The following GALNT2 variants were observed in gnomAD, a reference collection of about 807,000 sequenced individuals.
The protein encoded by GALNT2 is UDP-GalNAc:polypeptide N-acetylgalactosaminyltransferase 2.
GALNT2 carries 31 observed loss-of-function variants against 81.4 expected under a neutral mutation model. The observed-to-expected ratio is 0.38, with a 90% CI of 0.29 to 0.51. The LOEUF (loss-of-function observed/expected upper bound fraction) is 0.51. Ranked by LOEUF, GALNT2 falls within the 20% of genes least tolerant of loss-of-function variation. GALNT2 has a pLI of 0.87. For synonymous variants in GALNT2, 303 were observed against 287.4 expected, an observed-to-expected ratio of 1.05 and a Z score of -0.55; for missense variants, 629 against 765.7, an observed-to-expected ratio of 0.82 and a Z score of 2.11.
intron 3 of GALNT2, among the ~76,000 whole-genome samples, chr1:230,226,407 A>G (rs563882763): frequency 3.3e-4 from 50 of 152,348 alleles, no homozygotes; most frequent in African/African-American, 1.2e-3. Flanking sequence ...TGAATGGAGA[A>G]ATGGGCTAGC....
intron 3 of GALNT2, among the ~76,000 whole-genome samples, chr1:230,221,356 T>G (rs929498618): frequency 1.2e-4 from 19 of 152,250 alleles, no homozygotes; most frequent in African/African-American, 4.3e-4. Flanking sequence ...ATAACCTCCT[T>G]GCTTACTCAT....
In GALNT2 at chr1:230,228,560, GA is replaced by G. The variant is rs774507443; in HGVS notation, c.375-7445del. Among the ~76,000 whole-genome samples, 25 of 150,558 alleles carry G rather than the reference GA, an allele frequency of 1.7e-4. No homozygotes were observed. The East Asian group carries it at 2.9e-3, about 18-fold the overall frequency. On this transcript the variant is annotated intron_variant, in intron 3 of 15. Coordinates refer to ENST00000366672, the MANE Select transcript of GALNT2 (RefSeq NM_004481.5). ...CTGGGGACAATGGATTATCTACACA[GA>G]AAAAAAAAGAGATTATGGATCTCCT...
chr1:230,215,624 C>G (rs535232090), intron 3 of GALNT2, among the ~76,000 whole-genome samples: 1 of 152,162 alleles, frequency 6.6e-6, no homozygotes, highest in Admixed American at 6.5e-5. Flanking sequence ...ATGTCTATCT[C>G]GAAGGAGAGT....
At chr1:230,171,967 G>T (rs1662808872) in intron 1 of GALNT2, among the ~76,000 whole-genome samples, 1 of 151,630 alleles carries the variant, frequency 6.6e-6, no homozygotes, top group Non-Finnish European at 1.5e-5. Context: ...AGCAGTCTCT[G>T]CCACTAGCAA....
At chr1:230,152,050 G>T (rs562521482) in intron 1 of GALNT2, among the ~76,000 whole-genome samples, 1 of 152,144 alleles carries the variant, frequency 6.6e-6, no homozygotes, top group Non-Finnish European at 1.5e-5. Flanking sequence ...GTTTTGGCCG[G>T]CTCCTTTACT....
chr1:230,060,279 C>T (rs1659016468), intron 1 of GALNT2, among the ~76,000 whole-genome samples: 1 of 152,170 alleles, frequency 6.6e-6, no homozygotes, highest in Admixed American at 6.6e-5. Context: ...CCCTTGGACA[C>T]CTTGTAATTA....
chr1:230,270,028 C>T (rs1183564768), intron 14 of GALNT2, among the ~76,000 whole-genome samples: 4 of 152,024 alleles, frequency 2.6e-5, no homozygotes, highest in South Asian at 2.1e-4. Flanking sequence ...GGTGAAACCC[C>T]GTCTCTACTA....
chr1:230,205,461 C>T (rs1309871587), intron 3 of GALNT2, among the ~76,000 whole-genome samples: 1 of 152,102 alleles, frequency 6.6e-6, no homozygotes, highest in African/African-American at 2.4e-5. Context: ...TTCCTAACTC[C>T]ACTCCAAAAG....
At chr1:230,083,202 G>C (rs1659794607) in intron 1 of GALNT2, among the ~76,000 whole-genome samples, 1 of 143,668 alleles carries the variant, frequency 7.0e-6, no homozygotes, top group African/African-American at 2.6e-5. Context: ...GAGCCAGGAT[G>C]ATGGAGCGGG....
At chr1:230,199,599 A>G (rs774224439) in intron 2 of GALNT2, among the ~76,000 whole-genome samples, 1 of 152,190 alleles carries the variant, frequency 6.6e-6, no homozygotes, top group Non-Finnish European at 1.5e-5. Flanking sequence ...CCTGGGTCAC[A>G]GTGTTAAAAG....
Position 230,109,847 on chromosome 1 carries a change from A to G in GALNT2, c.126+42441A>G, listed in dbSNP as rs1195740918. On this transcript the variant is annotated intron_variant, in intron 1 of 15. Coordinates refer to ENST00000366672, the MANE Select transcript of GALNT2 (RefSeq NM_004481.5). ...CTTCGTCTCCAAAAAAAAAAAAAAG[A>G]AGGAACACTGTTAGGGAGGCAGTCA... Among the ~76,000 whole-genome samples the G allele has an allele frequency of 2.6e-5, 4 of 151,814 alleles. No homozygotes were observed. The East Asian group carries it at 7.8e-4, about 30-fold the overall frequency.
chr1:230,174,398 A>G (rs1183728280), intron 1 of GALNT2, among the ~76,000 whole-genome samples: 1 of 152,132 alleles, frequency 6.6e-6, no homozygotes. Context: ...TCACAACCCC[A>G]GATTTGTGCC....
chr1:230,247,134 A>C (rs1484089440), intron 8 of GALNT2, among the ~76,000 whole-genome samples: 1 of 152,052 alleles, frequency 6.6e-6, no homozygotes, highest in African/African-American at 2.4e-5. Flanking sequence ...CTCGGGGCTA[A>C]GGTGGGAGGA....
At chr1:230,169,191 A>G (rs977032167) in intron 1 of GALNT2, among the ~76,000 whole-genome samples, 1 of 152,228 alleles carries the variant, frequency 6.6e-6, no homozygotes, top group African/African-American at 2.4e-5. Context: ...GTACCCCTGA[A>G]TAGTAACTGG....
chr1:230,104,147 A>T (rs540740561), intron 1 of GALNT2, among the ~76,000 whole-genome samples: 22 of 152,320 alleles, frequency 1.4e-4, no homozygotes, highest in Non-Finnish European at 2.8e-4. Context: ...CAAAGGAGTC[A>T]GCAGGCTGGC....
Position 230,279,598 on chromosome 1 carries a change from G to A in GALNT2, c.*140G>A, listed in dbSNP as rs1030080442. The A allele has an allele frequency of 3.2e-5, 35 of 1,079,674 alleles. No homozygotes were observed. The African/African-American group carries it at 3.8e-4, about 12-fold the overall frequency. 66.9% of individuals were successfully genotyped at this position (1,079,674 alleles called of 1,614,324 possible). A position where few individuals can be genotyped will look rare whatever the true frequency, so the allele number is the denominator to read the frequency against. The stretch of plus-strand genomic sequence containing the variant: ...CATCATGGTCTGAAAGTCAAACTTC[G>A]GCAAGGCACGGACGACTGTGCAGAC... On this transcript the variant is annotated 3_prime_UTR_variant, in exon 16 of 16. Coordinates refer to ENST00000366672, the MANE Select transcript of GALNT2 (RefSeq NM_004481.5). This position sits in a 1 kb window ranked among gnomAD's most constrained non-coding sequence, Gnocchi z 4.6.
chr1:230,087,380 C>A (rs1294889709), intron 1 of GALNT2, among the ~76,000 whole-genome samples: 1 of 152,224 alleles, frequency 6.6e-6, no homozygotes, highest in African/African-American at 2.4e-5. Flanking sequence ...ATTTCAAGGA[C>A]TGCAGGAGCC....
intron 1 of GALNT2, among the ~76,000 whole-genome samples, chr1:230,076,468 T>G (rs1659559484): frequency 6.6e-6 from 1 of 152,126 alleles, no homozygotes; most frequent in Non-Finnish European, 1.5e-5. Context: ...GTTTGTTGAT[T>G]CATATTTGCA....
At chr1:230,127,756 C>T (rs558088098) in intron 1 of GALNT2, among the ~76,000 whole-genome samples, 14 of 151,890 alleles carry the variant, frequency 9.2e-5, no homozygotes, top group South Asian at 6.2e-4. Flanking sequence ...CTCAGTGATA[C>T]GCTCCCGTGC....
Sources: allele counts gnomAD v4.1 joint callset (sites outside exome capture counted in the v4.1 genomes callset), GRCh38; gene constraint gnomAD v4.1.1; non-coding constraint Gnocchi (gnomAD v3.1); transcripts MANE v1.5; gene names NCBI Gene and HGNC (gene_info 2026-07-23, HGNC 2026-07-21).